DUS4L: variants seen among roughly 807,000 people sequenced by gnomAD.
DUS4L encodes dihydrouridine synthase 4 like.
A neutral mutation model predicts 33.8 loss-of-function variants in DUS4L; 31 were observed. The ratio of observed to expected loss-of-function variants is 0.92; its 90% CI spans 0.69 to 1.24. DUS4L has a LOEUF of 1.24. Among genes scored for constraint, DUS4L ranks in the 50% most tolerant of loss-of-function variants. DUS4L has a pLI of 0.00. For missense variants in DUS4L, 368 were observed against 388.6 expected, an observed-to-expected ratio of 0.95 and a Z score of 0.45; for synonymous variants, 103 against 120.3, an observed-to-expected ratio of 0.86 and a Z score of 0.94.
intron 7 of DUS4L, 184 bp downstream of exon 7, chr7:107,576,776 C>T: frequency 8.9e-6 from 5 of 560,014 alleles, no homozygotes; most frequent in Non-Finnish European, 1.5e-5. Context: ...CATGGATTAT[C>T]TTAACTGGGA....
At chr7:107,566,619 G>T (rs1326667538) in intron 2 of DUS4L, among the ~76,000 whole-genome samples, 1 of 152,110 alleles carries the variant, frequency 6.6e-6, no homozygotes, top group Non-Finnish European at 1.5e-5. Context: ...CTACTTAAGA[G>T]TTGCTCTATT....
At position 107,564,229 on chromosome 7, in the gene DUS4L, C is replaced by T; in HGVS notation, c.-111+20C>T. ...GAGAAGGTGGGCACCGGAACGTGGC[C>T]GCAGCGCTTATCTGTGAAGCAAGTA... On this transcript the variant is annotated intron_variant, in intron 1 of 7. Coordinates refer to ENST00000265720, the MANE Select transcript of DUS4L (RefSeq NM_181581.3). The T allele has an allele frequency of 2.1e-5, 12 of 584,350 alleles. No individual in the cohort carries two copies. The highest frequency in any genetic ancestry group is 3.4e-5 in the Non-Finnish European group (11 of 327,096). The allele number at this position is 584,350 out of a possible 1,614,324, so 36.2% of individuals were successfully genotyped here.
Position 107,577,540 on chromosome 7 carries a change from A to G in DUS4L, c.934A>G (p.Thr312Ala). 6.2e-7 allele frequency: 1 copy of G among 1,613,892 alleles called. No individual in the cohort carries two copies. Among genetic ancestry groups the G allele is most frequent in the Non-Finnish European group, 8.5e-7 (1 of 1,179,946 alleles). Residue 312 changes from threonine to alanine, a missense_variant, in exon 8 of 8, where the codon ACA becomes GCA. Thr to Ala is a moderately conservative substitution (Grantham distance 58, BLOSUM62 0). Coordinates refer to ENST00000265720, the MANE Select transcript of DUS4L (RefSeq NM_181581.3). ...SSTSAIIDYLTDHYGI is the reference protein window; with the variant it reads ...SSTSAIIDYLADHYGI ...CACATCAGCAATCATAGATTACCTT[A>G]CAGACCATTATGGCATTTGACTAGA...
At chr7:107,569,225 A>C (rs1804979726) in intron 3 of DUS4L, among the ~76,000 whole-genome samples, 1 of 152,182 alleles carries the variant, frequency 6.6e-6, no homozygotes, top group Non-Finnish European at 1.5e-5. Context: ...TAAAAAAAGA[A>C]AGGCTATCTC....
At position 107,573,842 on chromosome 7, in the gene DUS4L, A is replaced by G. The variant is rs752328678; in HGVS notation, c.356+21A>G. ...CAGAGGTAAAGCTCAAAGAAGTTGG[A>G]AGAATTTTCCAAAAGAGTAGAAAAA... On this transcript the variant is annotated intron_variant, in intron 5 of 7. Coordinates refer to ENST00000265720, the MANE Select transcript of DUS4L (RefSeq NM_181581.3). The G allele has an allele frequency of 4.1e-6, 6 of 1,479,750 alleles. No homozygotes were observed. In the Admixed American group the frequency reaches 7.3e-5, roughly 18 times the overall value. The allele number at this position is 1,479,750 out of a possible 1,614,324, so 91.7% of individuals were successfully genotyped here.
Position 107,573,690 on chromosome 7 carries a change from A to G in DUS4L, c.239-14A>G. ...TTCCTGTGAATTTTAATGTTGAGCT[A>G]TTCATTTTGTCAGGTGATTGCCCAT... is the stretch of plus-strand genomic sequence containing the variant. On this transcript the variant is annotated splice_polypyrimidine_tract_variant and intron_variant, in intron 4 of 7. Coordinates refer to ENST00000265720, the MANE Select transcript of DUS4L (RefSeq NM_181581.3). 6.2e-7 allele frequency: 1 copy of G among 1,602,830 alleles called. No homozygotes were observed. Among genetic ancestry groups the G allele is most frequent in the Non-Finnish European group, 8.5e-7 (1 of 1,175,808 alleles).
At chr7:107,577,089 C>A in intron 7 of DUS4L, 1 of 537,584 alleles carries the variant, frequency 1.9e-6, no homozygotes, top group South Asian at 3.6e-5. Context: ...ATGTAGAAAT[C>A]TTTAAAAAAT....
intron 7 of DUS4L, chr7:107,576,991 G>T (rs1805813025): frequency 3.3e-6 from 1 of 304,052 alleles, no homozygotes; most frequent in South Asian, 6.0e-5. Flanking sequence ...ATTGCTAGAT[G>T]GGAGAATATA....
At position 107,564,128 on chromosome 7, in the gene DUS4L, C is replaced by T. The variant is rs1804303825; in HGVS notation, c.-192C>T. 6 of 932,712 alleles carry T rather than the reference C, an allele frequency of 6.4e-6. No homozygotes were observed. Among genetic ancestry groups the T allele is most frequent in the South Asian group, 3.2e-5 (2 of 63,296 alleles). The allele number at this position is 932,712 out of a possible 1,614,324, so 57.8% of individuals were successfully genotyped here. On this transcript the variant is annotated 5_prime_UTR_variant, in exon 1 of 8. Coordinates refer to ENST00000265720, the MANE Select transcript of DUS4L (RefSeq NM_181581.3). ...AGCGCACCGAGGGAGCCAAGGCCGT[C>T]GGGCCGGCGCTTTCAGCTGTCTCTC...
chr7:107,577,947 A>G lies in DUS4L; in HGVS notation c.*387A>G, dbSNP rs1397828540. 1 of 155,138 alleles carries G rather than the reference A, an allele frequency of 6.4e-6. No homozygotes were observed. The highest frequency in any genetic ancestry group is 2.4e-5 in the African/African-American group (1 of 41,506). The allele number at this position is 155,138 out of a possible 1,614,324, so 9.6% of individuals were successfully genotyped here. A position where few individuals can be genotyped will look rare whatever the true frequency, so the allele number is the denominator to read the frequency against. ...AAATTATGGCTTATAGTATCTATAA[A>G]TTAACAAGAAGTATGCAGGTGCAAA... On this transcript the variant is annotated 3_prime_UTR_variant, in exon 8 of 8. Transcript: ENST00000265720.
At chr7:107,569,072 C>T (rs761820344) in intron 3 of DUS4L, among the ~76,000 whole-genome samples, 1 of 152,246 alleles carries the variant, frequency 6.6e-6, no homozygotes, top group African/African-American at 2.4e-5. Context: ...AGCGTGGTGG[C>T]GCATGCCAAT....
rs769301583 is a variant in DUS4L, at chr7:107,576,390, T to C, written c.504T>C (p.Thr168=). 1.1e-5 allele frequency: 17 copies of C among 1,608,864 alleles called. No homozygotes were observed. The highest frequency in any genetic ancestry group is 9.3e-6 in the Non-Finnish European group (11 of 1,178,868). ...KIRIHDDLKR[T]VDLCQKAEAT... Reference sequence around the variant, plus strand: ...GGATCCATGATGACCTTAAAAGAACTGTAGATCTTTGTCAAAAGGCTGAAG... The same window carrying C: ...GGATCCATGATGACCTTAAAAGAACCGTAGATCTTTGTCAAAAGGCTGAAG... The change falls in exon 7 of 8, where the codon ACT becomes ACC. Residue 168 remains threonine (T), a synonymous_variant. Transcript: ENST00000265720.
intron 3 of DUS4L, 58 bp from the exon 4 acceptor site, chr7:107,571,087 C>T (rs1464356333): frequency 1.7e-5 from 27 of 1,604,078 alleles, no homozygotes; most frequent in Non-Finnish European, 2.1e-5. Context: ...TTTAACAATG[C>T]ACTAAAATAT....
rs762075525 is a variant in DUS4L, at chr7:107,576,585, G to A, written c.699G>A (p.Gly233=). ...CAGAAAATGTGTGGCGGATTACTGG[G>A]ACAGATGGTAAGAAATAAGTACTTG... ...KEAENVWRIT[G]TDGVMVARGL... Residue 233 remains glycine, a synonymous_variant, in exon 7 of 8, where the codon GGG becomes GGA. Coordinates refer to ENST00000265720, the MANE Select transcript of DUS4L (RefSeq NM_181581.3). 6.3e-7 allele frequency: 1 copy of A among 1,584,634 alleles called. No individual in the cohort carries two copies. The highest frequency in any genetic ancestry group is 2.3e-5 in the East Asian group (1 of 44,410).
chr7:107,572,265 T>C (rs1444548229), intron 4 of DUS4L, among the ~76,000 whole-genome samples: 1 of 152,158 alleles, frequency 6.6e-6, no homozygotes, highest in Non-Finnish European at 1.5e-5. Flanking sequence ...TCTGTAACTC[T>C]CTTGAGTTAC....
At chr7:107,575,041 A>T in intron 5 of DUS4L, 147 bp from the exon 6 acceptor site, 1 of 1,019,964 alleles carries the variant, frequency 9.8e-7, no homozygotes, top group Non-Finnish European at 1.5e-6. Flanking sequence ...TGATCCACTT[A>T]GAAATGTTGA....
intron 3 of DUS4L, chr7:107,570,525 A>T (rs1215131911): frequency 6.6e-6 from 1 of 152,668 alleles, no homozygotes; most frequent in African/African-American, 2.4e-5. Flanking sequence ...TGTGGCCTCC[A>T]CTGATACCAC....
At chr7:107,571,334 T>C in intron 4 of DUS4L, 68 bp downstream of exon 4, 2 of 1,541,762 alleles carry the variant, frequency 1.3e-6, no homozygotes, top group Non-Finnish European at 1.7e-6. Context: ...AACTATCTTA[T>C]CAGAAACAAC....
At chr7:107,567,963 G>T in intron 3 of DUS4L, 1 of 218,008 alleles carries the variant, frequency 4.6e-6, no homozygotes, top group Non-Finnish European at 9.3e-6. Context: ...TCATGTTGTA[G>T]CATATATCAG....
Sources: allele counts gnomAD v4.1 joint callset (sites outside exome capture counted in the v4.1 genomes callset), GRCh38; gene constraint gnomAD v4.1.1; transcripts MANE v1.5; gene names NCBI Gene and HGNC (gene_info 2026-07-23, HGNC 2026-07-21).